The following KLHL28 variants were observed in gnomAD, a reference collection of about 807,000 sequenced individuals.
KLHL28 encodes kelch like family member 28, also known as kelch-like protein 28.
KLHL28 carries 22 observed loss-of-function variants against 48.3 expected under a neutral mutation model. The observed-to-expected ratio is 0.46, with a 90% CI of 0.33 to 0.65. KLHL28 has a LOEUF of 0.65. KLHL28 is among the 30% of genes least tolerant of loss of function. The pLI is 0.03. For synonymous variants in KLHL28, 243 were observed against 242.4 expected (o/e 1.00, Z -0.02); for missense variants, 527 against 704.3 (o/e 0.75, Z 2.85).
intron 1 of KLHL28, among the ~76,000 whole-genome samples, chr14:44,958,610 TTTTA>T (rs1884899948): frequency 6.6e-6 from 1 of 152,226 alleles, no homozygotes; most frequent in South Asian, 2.1e-4. Flanking sequence ...GAGATTTGAC[TTTTA>T]TTGACAAACA....
At chr14:44,957,056 T>A (rs899673099) in intron 1 of KLHL28, among the ~76,000 whole-genome samples, 1 of 152,154 alleles carries the variant, frequency 6.6e-6, no homozygotes, top group Non-Finnish European at 1.5e-5. Context: ...ACTTTTGGCC[T>A]CAAGCAATCC....
chr14:44,933,313 CTTTT>C (rs200736260), intron 3 of KLHL28, among the ~76,000 whole-genome samples: 7 of 138,038 alleles, frequency 5.1e-5, no homozygotes, highest in East Asian at 2.0e-4. Flanking sequence ...TTCTTTCTTT[CTTTT>C]TTTTTTTTTT....
At chr14:44,957,113 C>G (rs1884824169) in intron 1 of KLHL28, among the ~76,000 whole-genome samples, 1 of 152,120 alleles carries the variant, frequency 6.6e-6, no homozygotes, top group Non-Finnish European at 1.5e-5. Flanking sequence ...TGTGAGCCCC[C>G]ATGACCAGCT....
chr14:44,934,096 T>A lies in KLHL28; in HGVS notation c.1343+19A>T, dbSNP rs1883701144. On this transcript the variant is annotated intron_variant, in intron 3 of 4. Coordinates refer to ENST00000396128, the MANE Select transcript of KLHL28 (RefSeq NM_017658.5). ...TAAAAATCCATAAACATATGCAATT[T>A]AATTATTAAGTTAAATACCTGTTCA... 1 of 1,544,038 alleles carries A rather than the reference T, an allele frequency of 6.5e-7. No individual in the cohort carries two copies. The highest frequency in any genetic ancestry group is 1.4e-5 in the African/African-American group (1 of 72,642).
In KLHL28 at chr14:44,927,467, C is replaced by T. The variant is rs1429290105; in HGVS notation, c.*1561G>A. On this transcript the variant is annotated 3_prime_UTR_variant, in exon 5 of 5. Coordinates refer to ENST00000396128, the MANE Select transcript of KLHL28 (RefSeq NM_017658.5). The stretch of plus-strand genomic sequence containing the variant: ...TTGCAGAGACTTTATAAGGAGATCG[C>T]AAACAGGTTTAAAAAAAATCAAGGA... 2 of 150,350 alleles carry T rather than the reference C, an allele frequency of 1.3e-5. No homozygotes were observed. The highest frequency in any genetic ancestry group is 5.0e-5 in the African/African-American group (2 of 40,152). The allele number at this position is 150,350 out of a possible 1,614,324, so 9.3% of individuals were successfully genotyped here. A position where few individuals can be genotyped will look rare whatever the true frequency, so the allele number is the denominator to read the frequency against.
At chr14:44,932,414 G>C (rs1251834603) in intron 3 of KLHL28, among the ~76,000 whole-genome samples, 1 of 152,112 alleles carries the variant, frequency 6.6e-6, no homozygotes, top group East Asian at 1.9e-4. Context: ...GTGTTTCAGA[G>C]AACGTGTGGC....
chr14:44,936,779 G>T (rs1274182132), intron 2 of KLHL28, among the ~76,000 whole-genome samples: 1 of 152,162 alleles, frequency 6.6e-6, no homozygotes, highest in Non-Finnish European at 1.5e-5. Context: ...GGGCCATGGC[G>T]TATTTAAAGG....
At position 44,925,635 on chromosome 14, in the gene KLHL28, C is replaced by G. The variant is rs1883350995; in HGVS notation, c.*3393G>C. The G allele has an allele frequency of 6.6e-6, 1 of 152,140 alleles. No homozygotes were observed. The highest frequency in any genetic ancestry group is 6.5e-5 in the Admixed American group (1 of 15,282). 9.4% of individuals were successfully genotyped at this position (152,140 alleles called of 1,614,324 possible). On this transcript the variant is annotated 3_prime_UTR_variant, in exon 5 of 5. Transcript: ENST00000396128. The stretch of plus-strand genomic sequence containing the variant: ...TATATCTCTCTAGCTCCCACAGCAT[C>G]TAACAGAATATCTCATACATATAGC...
At chr14:44,935,490 C>A (rs1883771029) in intron 2 of KLHL28, among the ~76,000 whole-genome samples, 1 of 152,030 alleles carries the variant, frequency 6.6e-6, no homozygotes, top group Non-Finnish European at 1.5e-5. Context: ...ATATTATGCT[C>A]ATACACTATA....
chr14:44,944,644 A>C (rs1884244556), intron 2 of KLHL28, among the ~76,000 whole-genome samples: 2 of 152,210 alleles, frequency 1.3e-5, no homozygotes, highest in South Asian at 4.1e-4. Context: ...CCCTCACCAC[A>C]GGTTCCTAGT....
chr14:44,932,683 G>C (rs1034790416), intron 3 of KLHL28, among the ~76,000 whole-genome samples: 2 of 152,132 alleles, frequency 1.3e-5, no homozygotes, highest in African/African-American at 4.8e-5. Flanking sequence ...GAATCCATTA[G>C]ACCAAAATCA....
Position 44,928,684 on chromosome 14 carries a change from TAAAA to T in KLHL28, c.*340_*343del, listed in dbSNP as rs397968833. 1.0e-3 allele frequency: 80 copies of T among 78,126 alleles called. No individual in the cohort carries two copies. The highest frequency in any genetic ancestry group is 3.3e-3 in the African/African-American group (70 of 21,382). 4.8% of individuals were successfully genotyped at this position (78,126 alleles called of 1,614,324 possible). On this transcript the variant is annotated 3_prime_UTR_variant, in exon 5 of 5. Transcript: ENST00000396128. ...GGTTATCAGGGAAGGAGAGCTAAAA[TAAAA>T]AAAAAAAAAAAAAAAAAGCAGCCAC...
intron 2 of KLHL28, among the ~76,000 whole-genome samples, chr14:44,942,937 C>A (rs1884162780): frequency 6.6e-6 from 1 of 152,090 alleles, no homozygotes; most frequent in African/African-American, 2.4e-5. Flanking sequence ...ATCTGATGCA[C>A]AGGTGTTTAA....
At chr14:44,943,138 T>C (rs1186012218) in intron 2 of KLHL28, among the ~76,000 whole-genome samples, 5 of 152,226 alleles carry the variant, frequency 3.3e-5, no homozygotes, top group African/African-American at 4.8e-5. Flanking sequence ...TTCAATAATT[T>C]GTTATTTTTA....
chr14:44,955,836 A>G (rs1377811108), intron 1 of KLHL28, among the ~76,000 whole-genome samples: 1 of 152,164 alleles, frequency 6.6e-6, no homozygotes, highest in African/African-American at 2.4e-5. Context: ...ATCAAATACT[A>G]CAAGAGTCAT....
chr14:44,924,537 A>C lies in KLHL28; in HGVS notation c.*4491T>G, dbSNP rs1461009561. 1 of 152,672 alleles carries C rather than the reference A, an allele frequency of 6.5e-6. No homozygotes were observed. Among genetic ancestry groups the C allele is most frequent in the Non-Finnish European group, 1.5e-5 (1 of 68,044 alleles). 9.5% of individuals were successfully genotyped at this position (152,672 alleles called of 1,614,324 possible). A position where few individuals can be genotyped will look rare whatever the true frequency, so the allele number is the denominator to read the frequency against. On this transcript the variant is annotated 3_prime_UTR_variant, in exon 5 of 5. Transcript: ENST00000396128. Reference sequence around the variant, plus strand: ...TGTTCAGAGGTAAAATACATATACAAAAACATTTAAACTAACATAATCCAC... The same window carrying C: ...TGTTCAGAGGTAAAATACATATACACAAACATTTAAACTAACATAATCCAC...
At chr14:44,941,135 A>G (rs1884055308) in intron 2 of KLHL28, among the ~76,000 whole-genome samples, 1 of 152,084 alleles carries the variant, frequency 6.6e-6, no homozygotes, top group Admixed American at 6.6e-5. Context: ...TAAACAAAAA[A>G]AAACTCATGT....
chr14:44,945,981 AAC>A, intron 1 of KLHL28, 53 bp from the exon 2 acceptor site: 2 of 1,402,368 alleles, frequency 1.4e-6, no homozygotes, highest in Non-Finnish European at 9.9e-7. Flanking sequence ...ACTTGTCAAA[AAC>A]ACTGCTTTTC....
chr14:44,949,281 G>A (rs1884475541), intron 1 of KLHL28, among the ~76,000 whole-genome samples: 1 of 152,080 alleles, frequency 6.6e-6, no homozygotes, highest in Admixed American at 6.5e-5. Flanking sequence ...AAGATGTAGA[G>A]ATCTTTAGGA....
Sources: allele counts gnomAD v4.1 joint callset (sites outside exome capture counted in the v4.1 genomes callset), GRCh38; gene constraint gnomAD v4.1.1; transcripts MANE v1.5; gene names NCBI Gene and HGNC (gene_info 2026-07-23, HGNC 2026-07-21).